The following DAB1 variants were observed in gnomAD, a reference collection of about 807,000 sequenced individuals.
DAB1 encodes disabled homolog 1.
In DAB1, 15 loss-of-function variants were observed where a neutral mutation model predicts 64.6. The ratio of observed to expected loss-of-function variants is 0.23; its 90% CI spans 0.16 to 0.36. DAB1 has a LOEUF of 0.36. DAB1 is among the 10% of genes least tolerant of loss of function. The pLI is 1.00. For missense variants in DAB1, 596 were observed against 706.7 expected, an observed-to-expected ratio of 0.84 and a Z score of 1.78; for synonymous variants, 235 against 251.9, an observed-to-expected ratio of 0.93 and a Z score of 0.64.
At chr1:57,255,298 C>T (rs927187321) in intron 2 of DAB1, among the ~76,000 whole-genome samples, 2 of 152,158 alleles carry the variant, frequency 1.3e-5, no homozygotes, top group African/African-American at 4.8e-5. Flanking sequence ...TATACTTTAT[C>T]TTCTATGAAT....
At chr1:57,564,610 C>T (rs1325814673) in intron 7 of DAB1, among the ~76,000 whole-genome samples, 1 of 152,118 alleles carries the variant, frequency 6.6e-6, no homozygotes, top group Admixed American at 6.6e-5. Flanking sequence ...AGCTGAAAAC[C>T]ATGGCACGAG....
intron 6 of DAB1, among the ~76,000 whole-genome samples, chr1:57,663,266 AG>A (rs1327024330): frequency 6.6e-6 from 1 of 152,178 alleles, no homozygotes; most frequent in Admixed American, 6.5e-5. Context: ...GAGAACAGTG[AG>A]GGGGAAGTCC....
At chr1:57,988,287 T>C (rs1398881635) in intron 5 of DAB1, among the ~76,000 whole-genome samples, 1 of 152,198 alleles carries the variant, frequency 6.6e-6, no homozygotes, top group Non-Finnish European at 1.5e-5. Context: ...ACAGGGCATG[T>C]ACAATCATAC....
In DAB1 at chr1:57,528,666, ACACACACACACG is replaced by A. The variant is rs1381837559; in HGVS notation, n.625+120914_625+120925del. Among the ~76,000 whole-genome samples, 59 of 138,996 alleles carry A rather than the reference ACACACACACACG, an allele frequency of 4.2e-4. 1 individual carries two copies. The highest frequency in any genetic ancestry group is 8.3e-4 in the Non-Finnish European group (51 of 61,236). 91.2% of individuals were successfully genotyped at this position (138,996 alleles called of 152,430 possible). A position where few individuals can be genotyped will look rare whatever the true frequency, so the allele number is the denominator to read the frequency against. ...CACACACACACACACACACACACAC[ACACACACACACG>A]GACACACAACATAAGTGGGAAACAT... On this transcript the variant is annotated intron_variant and non_coding_transcript_variant, in intron 7 of 20. Transcript: ENST00000485760.
intron 7 of DAB1, among the ~76,000 whole-genome samples, chr1:57,476,006 C>A (rs918310631): frequency 6.6e-6 from 1 of 152,120 alleles, no homozygotes; most frequent in African/African-American, 2.4e-5. Context: ...GGGTGGATCA[C>A]TTGAGGTCAG....
chr1:58,188,772 T>C (rs1003832665), intron 4 of DAB1, among the ~76,000 whole-genome samples: 3 of 152,170 alleles, frequency 2.0e-5, no homozygotes, highest in African/African-American at 7.2e-5. Flanking sequence ...CATCAAAGAC[T>C]AGGAAAGGAG....
chr1:57,919,576 C>A (rs139235553), intron 5 of DAB1, among the ~76,000 whole-genome samples: 64 of 152,314 alleles, frequency 4.2e-4, no homozygotes, highest in Middle Eastern at 3.4e-3. Context: ...GGTTCCTATC[C>A]TTGCTCTGCC....
intron 1 of DAB1, among the ~76,000 whole-genome samples, chr1:57,414,455 A>G (rs1684344448): frequency 6.6e-6 from 1 of 152,216 alleles, no homozygotes; most frequent in Non-Finnish European, 1.5e-5. Flanking sequence ...TGATTTTTTT[A>G]CATAATGCTA....
chr1:58,546,299 T>G (rs1016172817), intron 1 of DAB1, among the ~76,000 whole-genome samples: 10 of 152,186 alleles, frequency 6.6e-5, no homozygotes, highest in African/African-American at 2.4e-4. Flanking sequence ...AGGTGCCGGG[T>G]GAGGAGCCCG....
intron 5 of DAB1, among the ~76,000 whole-genome samples, chr1:58,126,151 G>A (rs1653064188): frequency 6.6e-6 from 1 of 152,162 alleles, no homozygotes; most frequent in Non-Finnish European, 1.5e-5. Context: ...CACAGAATGT[G>A]CTATCCAAAA....
intron 1 of DAB1, among the ~76,000 whole-genome samples, chr1:57,341,097 G>A (rs1677541495): frequency 6.6e-6 from 1 of 152,110 alleles, no homozygotes; most frequent in Non-Finnish European, 1.5e-5. Context: ...TTACAGACGA[G>A]GACATTGGAA....
intron 7 of DAB1, among the ~76,000 whole-genome samples, chr1:57,512,125 A>C (rs567189719): frequency 6.6e-6 from 1 of 152,256 alleles, no homozygotes; most frequent in African/African-American, 2.4e-5. Flanking sequence ...ATAAGATGAA[A>C]CTGGGAATTC....
At chr1:58,071,524 C>T (rs1649262679) in intron 5 of DAB1, 1 of 152,134 alleles carries the variant, frequency 6.6e-6, no homozygotes, top group African/African-American at 2.4e-5. Flanking sequence ...TGCTTTTTGA[C>T]ATGGCACTGA....
In DAB1 at chr1:57,310,134, T is replaced by C. The variant is rs77292956; in HGVS notation, c.-136-18968A>G. Among the ~76,000 whole-genome samples, 670 of 152,274 alleles carry C rather than the reference T, an allele frequency of 4.4e-3. 5 individuals carry two copies. The highest frequency in any genetic ancestry group is 4.4e-3 in the Non-Finnish European group (297 of 68,024). On this transcript the variant is annotated intron_variant, in intron 1 of 14. Transcript: ENST00000371236. Reference sequence around the variant, plus strand: ...GTGGACAATAAATCAATCAAGTCTATCAAGTATACAATGTGTCAGGTATTG... The same window carrying C: ...GTGGACAATAAATCAATCAAGTCTACCAAGTATACAATGTGTCAGGTATTG...
At chr1:57,859,522 T>C (rs1653911596) in intron 1 of DAB1, among the ~76,000 whole-genome samples, 1 of 152,130 alleles carries the variant, frequency 6.6e-6, no homozygotes, top group Non-Finnish European at 1.5e-5. Context: ...GGCTTAACAA[T>C]TCCTCAGAGC....
chr1:57,511,611 T>A (rs550397181), intron 7 of DAB1, among the ~76,000 whole-genome samples: 1 of 152,338 alleles, frequency 6.6e-6, no homozygotes, highest in South Asian at 2.1e-4. Flanking sequence ...TCTTTCTAGT[T>A]TACTGTCTGT....
At chr1:58,344,726 C>T (rs1159901442) in intron 3 of DAB1, among the ~76,000 whole-genome samples, 1 of 152,042 alleles carries the variant, frequency 6.6e-6, no homozygotes, top group Non-Finnish European at 1.5e-5. Flanking sequence ...GGTTTAAATA[C>T]CATTGAGAGG....
At chr1:57,922,845 CAAAAA>C (rs367897659) in intron 5 of DAB1, among the ~76,000 whole-genome samples, 1 of 45,008 alleles carries the variant, frequency 2.2e-5, no homozygotes, top group African/African-American at 1.1e-4. Context: ...GACTCCATCT[CAAAAA>C]AAAAAAAAAA....
Position 58,301,983 on chromosome 1 carries a change from C to G in DAB1, n.309+41369G>C, listed in dbSNP as rs1169345962. On this transcript the variant is annotated intron_variant and non_coding_transcript_variant, in intron 4 of 20. Transcript: ENST00000485760. ...CTATGATCTCACTTAATTCTCACCA[C>G]CACCTTGGGAGCTAAGCAGGGAAGT... Among the ~76,000 whole-genome samples, 4 of 152,150 alleles carry G rather than the reference C, an allele frequency of 2.6e-5. No individual in the cohort carries two copies. In the East Asian group the frequency reaches 7.7e-4, roughly 29 times the overall value.
Sources: gnomAD v4.1 joint callset for allele counts (sites outside exome capture counted in the v4.1 genomes callset) on GRCh38, gnomAD v4.1.1 for gene constraint, MANE v1.5 for transcripts, NCBI Gene and HGNC (gene_info 2026-07-23, HGNC 2026-07-21) for gene names.